The following ZEB1 variants were observed in gnomAD, a reference collection of about 807,000 sequenced individuals.
ZEB1 encodes zinc finger E-box-binding homeobox 1.
Under a neutral mutation model 84.9 loss-of-function variants are expected in ZEB1, and 21 were observed. That is an observed-to-expected ratio of 0.25 (90% CI 0.18 to 0.36). The LOEUF (loss-of-function observed/expected upper bound fraction) is 0.36. Ranked by LOEUF, ZEB1 falls within the 10% of genes least tolerant of loss-of-function variation. The pLI, the probability that ZEB1 is intolerant of heterozygous loss-of-function variation, is 1.00. For synonymous variants in ZEB1, 420 were observed against 471.1 expected (o/e 0.89, Z 1.41); for missense variants, 1,104 against 1,330.2 (o/e 0.83, Z 2.65).
At chr10:31,438,032 T>C (rs1358949949) in intron 1 of ZEB1, among the ~76,000 whole-genome samples, 1 of 152,232 alleles carries the variant, frequency 6.6e-6, no homozygotes. Flanking sequence ...CTCCTGTGGT[T>C]GAAACTATTT....
At chr10:31,492,034 T>G (rs1458232712) in intron 2 of ZEB1, among the ~76,000 whole-genome samples, 8 of 151,816 alleles carry the variant, frequency 5.3e-5, no homozygotes, top group Non-Finnish European at 8.8e-5. Context: ...GGGAATAGGG[T>G]AGGAATAGCA....
intron 5 of ZEB1, 48 bp from the exon 6 acceptor site, chr10:31,514,550 TTAGTC>T (rs2070728718): frequency 2.0e-6 from 3 of 1,502,594 alleles, no homozygotes; most frequent in South Asian, 1.1e-5. Context: ...TGGATGTTCT[TTAGTC>T]TAAAGATCTT....
Position 31,526,721 on chromosome 10 carries a change from ACAT to A in ZEB1, c.2839_2841del (p.His947del). ...TCTGTAAAAAGGCATTTAAACACAAACATCATTTGATTGAACACATGCGATTAC... is the reference window on the plus strand; with the variant it reads ...TCTGTAAAAAGGCATTTAAACACAAACATTTGATTGAACACATGCGATTAC... On this transcript the variant is annotated inframe_deletion, in exon 9 of 9. Transcript: ENST00000424869. The A allele has an allele frequency of 6.2e-7, 1 of 1,614,088 alleles. No homozygotes were observed.
chr10:31,496,310 G>A (rs2067229811), intron 3 of ZEB1, among the ~76,000 whole-genome samples: 3 of 152,036 alleles, frequency 2.0e-5, no homozygotes, highest in East Asian at 1.9e-4. Context: ...GAGTGAACAT[G>A]TCACAGCAAA....
At chr10:31,473,654 A>C (rs1353950123) in intron 2 of ZEB1, among the ~76,000 whole-genome samples, 9 of 149,250 alleles carry the variant, frequency 6.0e-5, no homozygotes, top group Non-Finnish European at 9.0e-5. Context: ...TTACAGATTC[A>C]ATGCCATCCC....
At chr10:31,361,339 C>T (rs1031436960) in intron 1 of ZEB1, 8 of 883,424 alleles carry the variant, frequency 9.1e-6, no homozygotes, top group Admixed American at 5.8e-5. Flanking sequence ...ACTACAGGCA[C>T]AAGCCACCAT....
At chr10:31,451,844 A>G (rs2060603919) in intron 1 of ZEB1, among the ~76,000 whole-genome samples, 1 of 152,158 alleles carries the variant, frequency 6.6e-6, no homozygotes, top group Non-Finnish European at 1.5e-5. Context: ...GGAAGAGAGA[A>G]AGGCCAGAAC....
In ZEB1 at chr10:31,528,911, A is replaced by G. The variant is rs962720410; in HGVS notation, c.*1647A>G. On this transcript the variant is annotated 3_prime_UTR_variant, in exon 9 of 9. Coordinates refer to ENST00000424869, the MANE Select transcript of ZEB1 (RefSeq NM_001174096.2). Reference sequence around the variant, plus strand: ...TTTACCTTTACCCAGTTTTTAATATAAAACTTAAATTTTGAAATTCACTGT... The same window carrying G: ...TTTACCTTTACCCAGTTTTTAATATGAAACTTAAATTTTGAAATTCACTGT... 1 of 152,194 alleles carries G rather than the reference A, an allele frequency of 6.6e-6. No homozygotes were observed. The highest frequency in any genetic ancestry group is 6.5e-5 in the Admixed American group (1 of 15,278). 9.4% of individuals were successfully genotyped at this position (152,194 alleles called of 1,614,324 possible).
Position 31,346,561 on chromosome 10 carries a change from G to T in ZEB1, c.58+27269G>T, listed in dbSNP as rs955837490. 5.5e-3 allele frequency among the ~76,000 whole-genome samples: 838 copies of T among 151,666 alleles called. 9 individuals carry two copies. Among genetic ancestry groups the T allele is most frequent in the African/African-American group, 0.019 (788 of 41,224 alleles). ...TATAAAATTGAAACTTTTGCACGTAGAGTTTTTTTTTTCTTTTTGAGATAG... is the reference window on the plus strand; with the variant it reads ...TATAAAATTGAAACTTTTGCACGTATAGTTTTTTTTTTCTTTTTGAGATAG... On this transcript the variant is annotated intron_variant, in intron 1 of 8. Coordinates refer to ENST00000424869, the MANE Select transcript of ZEB1 (RefSeq NM_001174096.2).
chr10:31,505,710 T>G (rs2068863259), intron 4 of ZEB1, among the ~76,000 whole-genome samples: 1 of 151,998 alleles, frequency 6.6e-6, no homozygotes, highest in Non-Finnish European at 1.5e-5. Context: ...AACTTTTTGT[T>G]TTGTTATTTG....
intron 1 of ZEB1, among the ~76,000 whole-genome samples, chr10:31,384,127 C>T (rs2048213503): frequency 6.6e-6 from 1 of 151,894 alleles, no homozygotes; most frequent in Non-Finnish European, 1.5e-5. Context: ...AGGCATGTTC[C>T]ACCACTCCTG....
intron 7 of ZEB1, 99 bp downstream of exon 7, chr10:31,522,035 A>G (rs1389511018): frequency 2.6e-6 from 4 of 1,522,882 alleles, no homozygotes; most frequent in South Asian, 1.2e-5. Flanking sequence ...AGAGCCAACT[A>G]GATTATTACA....
chr10:31,478,009 G>C (rs2064486578), intron 2 of ZEB1, among the ~76,000 whole-genome samples: 1 of 151,808 alleles, frequency 6.6e-6, no homozygotes, highest in South Asian at 2.1e-4. Flanking sequence ...AAAGTACACA[G>C]GTGGGACTTA....
chr10:31,325,526 AC>A (rs1467733273), intron 1 of ZEB1, among the ~76,000 whole-genome samples: 2 of 152,184 alleles, frequency 1.3e-5, no homozygotes, highest in Non-Finnish European at 1.5e-5. Context: ...TGAGGTATGA[AC>A]TATGTTTGTA....
rs1291105810 is a variant in ZEB1, at chr10:31,520,115, T to C, written c.794-11T>C. 1 of 1,613,108 alleles carries C rather than the reference T, an allele frequency of 6.2e-7. No individual in the cohort carries two copies. The highest frequency in any genetic ancestry group is 2.2e-5 in the East Asian group (1 of 44,836). On this transcript the variant is annotated splice_polypyrimidine_tract_variant and intron_variant, in intron 6 of 8. Coordinates refer to ENST00000424869, the MANE Select transcript of ZEB1 (RefSeq NM_001174096.2). The surrounding 1 kb of genome is among the most constrained non-coding windows in gnomAD (Gnocchi z 5.1). ...ATTCAGTGAATATAATTTGTTTGTT[T>C]GTTTGTTTAGGAGAGAAGCCATATG...
At chr10:31,517,807 CAT>C (rs1051613959) in intron 6 of ZEB1, among the ~76,000 whole-genome samples, 9 of 152,100 alleles carry the variant, frequency 5.9e-5, no homozygotes, top group South Asian at 2.1e-4. Context: ...TGTATAGCCA[CAT>C]GTTAGTTATT....
intron 2 of ZEB1, among the ~76,000 whole-genome samples, chr10:31,488,697 G>T (rs1485339500): frequency 1.3e-5 from 2 of 150,848 alleles, no homozygotes; most frequent in Admixed American, 6.6e-5. Context: ...GTGTTTTAGG[G>T]ACACTCCACA....
At chr10:31,367,421 T>G (rs1263505764) in intron 1 of ZEB1, among the ~76,000 whole-genome samples, 1 of 152,154 alleles carries the variant, frequency 6.6e-6, no homozygotes, top group African/African-American at 2.4e-5. Flanking sequence ...GTGATAATGG[T>G]AGTGATGATG....
chr10:31,342,843 A>G (rs1050329457), intron 1 of ZEB1, among the ~76,000 whole-genome samples: 1 of 152,140 alleles, frequency 6.6e-6, no homozygotes, highest in Non-Finnish European at 1.5e-5. Context: ...TATAAATACA[A>G]AAGTTTCAAA....
Sources: gnomAD v4.1 joint callset for allele counts (sites outside exome capture counted in the v4.1 genomes callset) on GRCh38, gnomAD v4.1.1 for gene constraint, Gnocchi (gnomAD v3.1) non-coding constraint, MANE v1.5 for transcripts, NCBI Gene and HGNC (gene_info 2026-07-23, HGNC 2026-07-21) for gene names.